ZFPM2: variants seen among roughly 807,000 people sequenced by gnomAD.
ZFPM2 encodes zinc finger protein, FOG family member 2.
A neutral mutation model predicts 98.6 loss-of-function variants in ZFPM2; 20 were observed. That is an observed-to-expected ratio of 0.20 (90% CI 0.14 to 0.29). ZFPM2 has a LOEUF of 0.29. Among genes scored for constraint, ZFPM2 ranks in the 10% least tolerant of loss-of-function variants. ZFPM2 has a pLI of 1.00. For missense variants in ZFPM2, 1,310 were observed against 1,388.6 expected, an observed-to-expected ratio of 0.94 and a Z score of 0.90; for synonymous variants, 518 against 502.7, an observed-to-expected ratio of 1.03 and a Z score of -0.41.
In ZFPM2 at chr8:105,566,353, A is replaced by G. The variant is rs1240470380; in HGVS notation, c.420+4872A>G. ...GAAATAACTTATATTAAATACTATC[A>G]TGGTAGCACAAACTTGGTGTTTTTG... On this transcript the variant is annotated intron_variant, in intron 4 of 7. Transcript: ENST00000407775. Among the ~76,000 whole-genome samples the G allele has an allele frequency of 2.6e-5, 4 of 152,092 alleles. No individual in the cohort carries two copies. The East Asian group carries it at 7.7e-4, about 29-fold the overall frequency.
At chr8:105,573,456 T>A (rs1815399689) in intron 4 of ZFPM2, among the ~76,000 whole-genome samples, 1 of 152,020 alleles carries the variant, frequency 6.6e-6, no homozygotes, top group African/African-American at 2.4e-5. Flanking sequence ...ATGGGAGCAA[T>A]CACAAAAGAA....
intron 1 of ZFPM2, among the ~76,000 whole-genome samples, chr8:105,326,586 G>C (rs2130656575): frequency 6.6e-6 from 1 of 151,760 alleles, no homozygotes; most frequent in Non-Finnish European, 1.5e-5. Flanking sequence ...GCAAGGTAAT[G>C]CTATTTATTA....
intron 5 of ZFPM2, among the ~76,000 whole-genome samples, chr8:105,649,577 G>GT: frequency 6.6e-6 from 1 of 152,184 alleles, no homozygotes; most frequent in Admixed American, 6.5e-5. Flanking sequence ...TTTATTGAGA[G>GT]TTTTTAGCAT....
At chr8:105,647,619 C>T (rs1358984250) in intron 5 of ZFPM2, among the ~76,000 whole-genome samples, 4 of 148,942 alleles carry the variant, frequency 2.7e-5, no homozygotes, top group Non-Finnish European at 4.4e-5. Context: ...TGAGTGAGAA[C>T]ATGTGGTGTT....
intron 4 of ZFPM2, among the ~76,000 whole-genome samples, chr8:105,593,920 G>A (rs1586486231): frequency 1.3e-5 from 2 of 152,184 alleles, no homozygotes; most frequent in East Asian, 3.9e-4. Context: ...TACTTTAGCT[G>A]CTCTCTGGCT....
At chr8:105,327,086 A>T (rs1812128562) in intron 1 of ZFPM2, among the ~76,000 whole-genome samples, 2 of 151,474 alleles carry the variant, frequency 1.3e-5, no homozygotes, top group Admixed American at 1.3e-4. Context: ...TCTTTGGATG[A>T]TATGAATTAT....
At chr8:105,322,203 T>C (rs1812039403) in intron 1 of ZFPM2, among the ~76,000 whole-genome samples, 1 of 152,104 alleles carries the variant, frequency 6.6e-6, no homozygotes, top group Non-Finnish European at 1.5e-5. Context: ...CTCCTGCCAA[T>C]ATGCCAATAA....
chr8:105,490,134 C>A lies in ZFPM2; in HGVS notation c.301+45753C>A, dbSNP rs1470861867. On this transcript the variant is annotated intron_variant, in intron 3 of 7. Coordinates refer to ENST00000407775, the MANE Select transcript of ZFPM2 (RefSeq NM_012082.4). ...TGGTGGCGGGCACCTGTAATCCCAG[C>A]TACTCAGGAGGCTGAGGCAGGAGAA... Among the ~76,000 whole-genome samples the A allele has an allele frequency of 2.0e-5, 3 of 152,096 alleles. No individual in the cohort carries two copies. In the East Asian group the frequency reaches 5.9e-4, roughly 30 times the overall value.
intron 5 of ZFPM2, among the ~76,000 whole-genome samples, chr8:105,736,769 A>G (rs1317259015): frequency 1.3e-5 from 2 of 152,090 alleles, no homozygotes; most frequent in Non-Finnish European, 2.9e-5. Flanking sequence ...CACTAACTGA[A>G]TATTCGATTT....
chr8:105,639,166 A>G (rs1271456884), intron 5 of ZFPM2, among the ~76,000 whole-genome samples: 1 of 152,090 alleles, frequency 6.6e-6, no homozygotes, highest in African/African-American at 2.4e-5. Flanking sequence ...TCTGTTGAGC[A>G]CTGATGATCT....
chr8:105,390,475 A>G (rs1266839543), intron 1 of ZFPM2, among the ~76,000 whole-genome samples: 1 of 152,190 alleles, frequency 6.6e-6, no homozygotes, highest in Non-Finnish European at 1.5e-5. Flanking sequence ...GGGTGTGCTC[A>G]CTAACCAGGA....
chr8:105,786,161 A>G (rs1449620352), intron 5 of ZFPM2, among the ~76,000 whole-genome samples: 3 of 151,332 alleles, frequency 2.0e-5, no homozygotes, highest in African/African-American at 4.9e-5. Flanking sequence ...CCTCATTTAT[A>G]GGGCAATAAT....
chr8:105,789,074 G>A, intron 6 of ZFPM2, 150 bp downstream of exon 6: 1 of 661,780 alleles, frequency 1.5e-6, no homozygotes, highest in Admixed American at 3.4e-5. Flanking sequence ...TATTTAATTT[G>A]AGAAAATGAT....
At chr8:105,667,063 T>A (rs1817502633) in intron 5 of ZFPM2, among the ~76,000 whole-genome samples, 1 of 152,228 alleles carries the variant, frequency 6.6e-6, no homozygotes. Context: ...TTTGAAAGAA[T>A]GTCTGACATA....
intron 2 of ZFPM2, among the ~76,000 whole-genome samples, chr8:105,440,069 C>A (rs1812204966): frequency 6.6e-6 from 1 of 152,112 alleles, no homozygotes; most frequent in Admixed American, 6.6e-5. Context: ...TAAAAAAGTT[C>A]TCAAGTTTCT....
At chr8:105,399,161 G>T (rs987463982) in intron 1 of ZFPM2, among the ~76,000 whole-genome samples, 3 of 152,302 alleles carry the variant, frequency 2.0e-5, no homozygotes, top group African/African-American at 7.2e-5. Flanking sequence ...GTAGGAGTTT[G>T]TGGGCCATGA....
chr8:105,681,199 T>A (rs1213611255), intron 5 of ZFPM2, among the ~76,000 whole-genome samples: 1 of 152,148 alleles, frequency 6.6e-6, no homozygotes, highest in Non-Finnish European at 1.5e-5. Context: ...ATTATATGAC[T>A]CCTTGTTAGT....
chr8:105,486,005 T>C (rs1364731528), intron 3 of ZFPM2, among the ~76,000 whole-genome samples: 1 of 152,122 alleles, frequency 6.6e-6, no homozygotes, highest in Admixed American at 6.5e-5. Context: ...ATCTATCACC[T>C]GAGCTTTGGA....
At chr8:105,705,952 T>C (rs975036166) in intron 5 of ZFPM2, among the ~76,000 whole-genome samples, 42 of 152,338 alleles carry the variant, frequency 2.8e-4, no homozygotes, top group African/African-American at 9.9e-4. Flanking sequence ...CCAAATCTAG[T>C]ATTGAATTAC....
Sources: allele counts gnomAD v4.1 joint callset (sites outside exome capture counted in the v4.1 genomes callset), GRCh38; gene constraint gnomAD v4.1.1; transcripts MANE v1.5; gene names NCBI Gene and HGNC (gene_info 2026-07-23, HGNC 2026-07-21).